The following KANSL3 variants were observed in gnomAD, a reference collection of about 807,000 sequenced individuals.
KANSL3 encodes NSL complex protein NSL3.
In KANSL3, 16 loss-of-function variants were observed where a neutral mutation model predicts 89.2. The observed-to-expected ratio is 0.18, with a 90% CI of 0.12 to 0.27. KANSL3 has a LOEUF of 0.27. Among genes scored for constraint, KANSL3 ranks in the 10% least tolerant of loss-of-function variants. KANSL3 has a pLI of 1.00. For missense variants in KANSL3, 879 were observed against 1,110.6 expected (o/e 0.79, Z 2.96); for synonymous variants, 385 against 419.7 (o/e 0.92, Z 1.01).
chr2:96,583,963 G>A, the KANSL3 span, among the ~76,000 whole-genome samples: 1 of 152,154 alleles, frequency 6.6e-6, no homozygotes, highest in Non-Finnish European at 1.5e-5. Flanking sequence ...CTCATGACCA[G>A]TGATACTGAA....
At chr2:96,631,798 C>A (rs769865669) in intron 2 of KANSL3, among the ~76,000 whole-genome samples, 1 of 151,878 alleles carries the variant, frequency 6.6e-6, no homozygotes, top group Non-Finnish European at 1.5e-5. Flanking sequence ...TGTAATACCA[C>A]CACTTTGGGA....
intron 2 of KANSL3, 189 bp downstream of exon 2, chr2:96,636,732 T>C: frequency 2.1e-6 from 1 of 471,446 alleles, no homozygotes; most frequent in Non-Finnish European, 3.7e-6. Flanking sequence ...TTCCTAACTC[T>C]TGTTAGCTGT....
At chr2:96,600,644 C>T (rs972598739) in intron 20 of KANSL3, 66 of 985,416 alleles carry the variant, frequency 6.7e-5, no homozygotes, top group Non-Finnish European at 7.5e-5. Flanking sequence ...TGAAGGAAAG[C>T]ACACTCAGTA....
chr2:96,610,804 T>G lies in KANSL3; in HGVS notation c.1241A>C (p.Glu414Ala). The change falls in exon 11 of 21, where the codon GAA (glutamate) becomes GCA (alanine). Residue 414 changes from glutamate (E) to alanine (A), a missense_variant. This residue lies in a region of KANSL3 where 198 missense variants were observed against 260.3 expected (regional missense o/e 0.76). Coordinates refer to ENST00000431828, the MANE Select transcript of KANSL3 (RefSeq NM_001115016.3). ...CTTCTCCCGGAAGTCCTCCATGGCT[T>G]CAGGGTGACATTGAAGGGAATTCTG... ...IGQNSLQCHPEAMEDFREKIR... is the reference protein window; with the variant it reads ...IGQNSLQCHPAAMEDFREKIR... The G allele has an allele frequency of 6.2e-7, 1 of 1,614,012 alleles. No homozygotes were observed. Among genetic ancestry groups the G allele is most frequent in the African/African-American group, 1.3e-5 (1 of 75,048 alleles).
chr2:96,605,693 G>A, intron 14 of KANSL3, 182 bp from the exon 15 acceptor site: 1 of 469,086 alleles, frequency 2.1e-6, no homozygotes, highest in East Asian at 3.5e-5. Flanking sequence ...CTCAGGCCCT[G>A]TCCGTGGGGG....
intron 3 of KANSL3, 101 bp from the exon 4 acceptor site, chr2:96,619,863 T>C (rs1016144665): frequency 1.1e-6 from 1 of 934,150 alleles, no homozygotes; most frequent in African/African-American, 1.7e-5. Flanking sequence ...ATGTCTCTGC[T>C]AGGGAACAGT....
chr2:96,626,298 A>G (rs1473654571), intron 3 of KANSL3, among the ~76,000 whole-genome samples: 1 of 150,058 alleles, frequency 6.7e-6, no homozygotes, highest in East Asian at 2.0e-4. Flanking sequence ...CCTTTTTCAG[A>G]TTATAAAATT....
rs1366101604 is a variant in KANSL3 at position 96,604,375 on chromosome 2, C to T, written c.2024G>A (p.Ser675Asn). The T allele has an allele frequency of 6.2e-7, 1 of 1,610,900 alleles. No homozygotes were observed. Among genetic ancestry groups the T allele is most frequent in the Non-Finnish European group, 8.5e-7 (1 of 1,179,730 alleles). Reference sequence around the variant, plus strand: ...GGCTGAGACTCCACCTTCAGAAGAACTGGACCTGGAGACAAAGGAAGGAGC... The same window carrying T: ...GGCTGAGACTCCACCTTCAGAAGAATTGGACCTGGAGACAAAGGAAGGAGC... ...LTGLLTTAKS[S>N]SSEGGVSASP... is the part of the protein sequence containing the mutation. The change falls in exon 17 of 21, where the codon AGT becomes AAT. Residue 675 changes from serine to asparagine, a missense_variant. This residue lies in a region of KANSL3 where 317 missense variants were observed against 311.2 expected (regional missense o/e 1.02). Transcript: ENST00000431828.
chr2:96,605,685 C>A (rs772369681), intron 14 of KANSL3, 174 bp from the exon 15 acceptor site: 1 of 510,478 alleles, frequency 2.0e-6, no homozygotes, highest in Non-Finnish European at 3.5e-6. Flanking sequence ...CCACTTCACT[C>A]AGGCCCTGTC....
the KANSL3 span, among the ~76,000 whole-genome samples, chr2:96,588,120 A>G: frequency 6.6e-6 from 1 of 152,194 alleles, no homozygotes; most frequent in Non-Finnish European, 1.5e-5. Context: ...AAATATGGTA[A>G]AAAGGCTTAA....
At chr2:96,619,582 T>C (rs1216799033) in intron 4 of KANSL3, 38 bp from the exon 5 acceptor site, 1 of 1,610,434 alleles carries the variant, frequency 6.2e-7, no homozygotes. Context: ...ACATGAGGAC[T>C]ACCTGGTTAA....
chr2:96,582,162 G>A, the KANSL3 span, among the ~76,000 whole-genome samples: 3 of 152,286 alleles, frequency 2.0e-5, no homozygotes, highest in South Asian at 6.2e-4. Flanking sequence ...GGCCAAGACG[G>A]GCGGATGACT....
intron 5 of KANSL3, chr2:96,615,421 T>C (rs2069873269): frequency 1.2e-6 from 1 of 831,942 alleles, no homozygotes; most frequent in Non-Finnish European, 1.7e-6. Context: ...CTCATGTCTG[T>C]TTTTTACTAT....
At chr2:96,596,876 C>T (rs2066588908) in intron 20 of KANSL3, among the ~76,000 whole-genome samples, 1 of 152,216 alleles carries the variant, frequency 6.6e-6, no homozygotes, top group Non-Finnish European at 1.5e-5. Context: ...CTTATAACCA[C>T]AGGCAGGGAG....
intron 6 of KANSL3, among the ~76,000 whole-genome samples, chr2:96,613,230 G>A (rs1325907983): frequency 6.6e-6 from 1 of 152,126 alleles, no homozygotes; most frequent in Non-Finnish European, 1.5e-5. Flanking sequence ...AATTAGCTGG[G>A]CATGGTGGTG....
Position 96,595,382 on chromosome 2 carries a change from G to C in KANSL3, c.*229C>G. 3.8e-6 allele frequency: 2 copies of C among 525,594 alleles called. No homozygotes were observed. The highest frequency in any genetic ancestry group is 6.8e-6 in the Non-Finnish European group (2 of 292,154). The allele number at this position is 525,594 out of a possible 1,614,324, so 32.6% of individuals were successfully genotyped here. ...CAGCCAGATCTGCTGAGGAGTCTGG[G>C]GTTCCCAGGAACCAGATTTGCAGAT... On this transcript the variant is annotated 3_prime_UTR_variant, in exon 21 of 21. Coordinates refer to ENST00000431828, the MANE Select transcript of KANSL3 (RefSeq NM_001115016.3).
chr2:96,633,340 C>T (rs918241155), intron 2 of KANSL3, among the ~76,000 whole-genome samples: 2 of 151,974 alleles, frequency 1.3e-5, no homozygotes, highest in Non-Finnish European at 2.9e-5. Flanking sequence ...GAGGCCAAGG[C>T]GGGTGGATCA....
Position 96,619,687 on chromosome 2 carries a change from G to T in KANSL3, c.462C>A (p.Arg154=), listed in dbSNP as rs1208916975. The change falls in exon 4 of 21, where the codon CGC becomes CGA. Residue 154 remains arginine (R), a synonymous_variant. Coordinates refer to ENST00000431828, the MANE Select transcript of KANSL3 (RefSeq NM_001115016.3). ...LKALQSDRLA[R]LANEGACNEP... ...GGTGTCTTACCCCTTCGTTGGCCAA[G>T]CGGGCAAGCCGGTCAGACTGCAGGG... 1 of 1,566,740 alleles carries T rather than the reference G, an allele frequency of 6.4e-7. No individual in the cohort carries two copies. Among genetic ancestry groups the T allele is most frequent in the Non-Finnish European group, 8.6e-7 (1 of 1,156,076 alleles).
intron 5 of KANSL3, among the ~76,000 whole-genome samples, chr2:96,614,131 G>A (rs943016520): frequency 3.3e-5 from 5 of 152,112 alleles, no homozygotes; most frequent in Non-Finnish European, 7.4e-5. Flanking sequence ...TCGCTCTGTC[G>A]CCCAGGCTAG....
Sources: allele counts gnomAD v4.1 joint callset (sites outside exome capture counted in the v4.1 genomes callset), GRCh38; gene constraint gnomAD v4.1.1; regional missense constraint gnomAD v4.1.1; transcripts MANE v1.5; gene names NCBI Gene and HGNC (gene_info 2026-07-23, HGNC 2026-07-21).